The following SORCS1 variants were observed in gnomAD, a reference collection of about 807,000 sequenced individuals.
SORCS1 encodes the protein VPS10 domain-containing receptor SorCS1.
In SORCS1, 60 loss-of-function variants were observed where a neutral mutation model predicts 146.1. The observed-to-expected ratio is 0.41, with a 90% confidence interval of 0.33 to 0.51. The LOEUF is 0.51. Among genes scored for constraint, SORCS1 ranks in the 20% least tolerant of loss-of-function variants. The pLI, the probability that SORCS1 is intolerant of heterozygous loss-of-function variation, is 0.21. For synonymous variants in SORCS1, 637 were observed against 584.0 expected, an observed-to-expected ratio of 1.09 and a Z score of -1.31; for missense variants, 1,352 against 1,487.6, an observed-to-expected ratio of 0.91 and a Z score of 1.50.
chr10:107,115,315 A>G (rs945235073), intron 1 of SORCS1, among the ~76,000 whole-genome samples: 2 of 152,090 alleles, frequency 1.3e-5, no homozygotes, highest in Non-Finnish European at 2.9e-5. Flanking sequence ...TTGAAGAAAA[A>G]GAACAAAGCT....
At chr10:106,737,990 C>A (rs1479094213) in intron 5 of SORCS1, among the ~76,000 whole-genome samples, 2 of 151,948 alleles carry the variant, frequency 1.3e-5, no homozygotes, top group Non-Finnish European at 2.9e-5. Flanking sequence ...GGTTCCATAC[C>A]AGAACAAAAA....
intron 2 of SORCS1, among the ~76,000 whole-genome samples, chr10:106,880,242 T>G (rs906619629): frequency 5.3e-5 from 8 of 152,182 alleles, no homozygotes; most frequent in Non-Finnish European, 1.0e-4. Flanking sequence ...TCCTTCCTGA[T>G]AGTCAAAGGT....
At chr10:106,975,396 G>A (rs1312017697) in intron 1 of SORCS1, among the ~76,000 whole-genome samples, 4 of 152,206 alleles carry the variant, frequency 2.6e-5, no homozygotes, top group Admixed American at 6.5e-5. Flanking sequence ...TTAAAAAACT[G>A]TGTTGGTGTC....
intron 1 of SORCS1, among the ~76,000 whole-genome samples, chr10:107,102,831 C>T (rs1965023844): frequency 6.6e-6 from 1 of 152,110 alleles, no homozygotes; most frequent in African/African-American, 2.4e-5. Context: ...AAAATCTTTA[C>T]ATTTTGTGAA....
intron 2 of SORCS1, among the ~76,000 whole-genome samples, chr10:106,880,639 A>G (rs1422483175): frequency 6.6e-6 from 1 of 152,196 alleles, no homozygotes; most frequent in Non-Finnish European, 1.5e-5. Flanking sequence ...AGGTAAGGGA[A>G]TTATATGAAG....
At chr10:106,692,668 A>G (rs552145326) in intron 9 of SORCS1, among the ~76,000 whole-genome samples, 1 of 152,298 alleles carries the variant, frequency 6.6e-6, no homozygotes, top group South Asian at 2.1e-4. Context: ...ATCCAAATTT[A>G]TTGATTATTA....
At chr10:106,884,031 A>T (rs1351165976) in intron 2 of SORCS1, among the ~76,000 whole-genome samples, 1 of 152,124 alleles carries the variant, frequency 6.6e-6, no homozygotes, top group Non-Finnish European at 1.5e-5. Flanking sequence ...TATATCTACA[A>T]CCTTGCTTCC....
intron 2 of SORCS1, among the ~76,000 whole-genome samples, chr10:106,916,024 C>T (rs1952409141): frequency 3.3e-5 from 5 of 152,170 alleles, no homozygotes; most frequent in Admixed American, 3.3e-4. Flanking sequence ...TAACCTACTT[C>T]ACCTGGTCAA....
intron 21 of SORCS1, among the ~76,000 whole-genome samples, chr10:106,615,000 C>T (rs1419932801): frequency 6.6e-6 from 1 of 151,626 alleles, no homozygotes; most frequent in African/African-American, 2.4e-5. Flanking sequence ...GACAAACCTT[C>T]CCCTGTCAAT....
At chr10:106,688,575 G>T (rs1001830224) in intron 9 of SORCS1, among the ~76,000 whole-genome samples, 3 of 152,084 alleles carry the variant, frequency 2.0e-5, no homozygotes, top group Non-Finnish European at 4.4e-5. Context: ...TTTGATAGGG[G>T]TTTCTTATTA....
chr10:107,150,904 A>G (rs1189034571), intron 1 of SORCS1, among the ~76,000 whole-genome samples: 2 of 152,210 alleles, frequency 1.3e-5, no homozygotes, highest in East Asian at 3.9e-4. Context: ...CTGTGAGTCA[A>G]TTAAACCTCT....
chr10:107,035,511 T>A (rs1376935601), intron 1 of SORCS1, among the ~76,000 whole-genome samples: 3 of 152,178 alleles, frequency 2.0e-5, no homozygotes, highest in Admixed American at 1.3e-4. Flanking sequence ...CTCATATTTA[T>A]CATTAGTAAC....
intron 1 of SORCS1, among the ~76,000 whole-genome samples, chr10:107,005,034 T>C (rs1234046088): frequency 7.9e-5 from 12 of 152,094 alleles, no homozygotes. Context: ...TATGCCTATA[T>C]AGAGTAAGAG....
intron 2 of SORCS1, among the ~76,000 whole-genome samples, chr10:106,952,708 G>C (rs776001824): frequency 2.0e-5 from 3 of 151,568 alleles, no homozygotes; most frequent in Admixed American, 6.6e-5. Flanking sequence ...AGGCGTGGTG[G>C]CTCATGCTTG....
In SORCS1 at chr10:106,747,398, C is replaced by T. The variant is rs117789290; in HGVS notation, c.959+14190G>A. On this transcript the variant is annotated intron_variant, in intron 5 of 25. Coordinates refer to ENST00000263054, the MANE Select transcript of SORCS1 (RefSeq NM_052918.5). The stretch of plus-strand genomic sequence containing the variant: ...CTCTAGCATTTTTTAGAAGAGATTC[C>T]TGCAAGTCATAGGGGGTCAGATGAG... 2.1e-3 allele frequency among the ~76,000 whole-genome samples: 316 copies of T among 152,268 alleles called. 2 individuals are homozygous for T. The highest frequency in any genetic ancestry group is 6.8e-3 in the Admixed American group (104 of 15,298).
At chr10:106,998,316 G>T (rs1957081988) in intron 1 of SORCS1, among the ~76,000 whole-genome samples, 5 of 152,224 alleles carry the variant, frequency 3.3e-5, no homozygotes, top group Admixed American at 1.3e-4. Flanking sequence ...CAGCTGGCTT[G>T]ATTACCTGAA....
intron 1 of SORCS1, among the ~76,000 whole-genome samples, chr10:107,136,893 A>G (rs1468259016): frequency 2.0e-5 from 3 of 152,152 alleles, no homozygotes; most frequent in Admixed American, 2.0e-4. Flanking sequence ...ATTTGAGAGG[A>G]CCAGTCAGCT....
intron 2 of SORCS1, among the ~76,000 whole-genome samples, chr10:106,896,792 T>TAA (rs572801802): frequency 6.6e-6 from 1 of 151,944 alleles, no homozygotes; most frequent in Non-Finnish European, 1.5e-5. Context: ...AGCTCAGTGT[T>TAA]AGAGTTCACA....
chr10:106,585,277 T>C (rs894734154), intron 24 of SORCS1, among the ~76,000 whole-genome samples: 3 of 152,004 alleles, frequency 2.0e-5, no homozygotes, highest in African/African-American at 7.3e-5. Context: ...AATCCATATA[T>C]GTGACAAGGT....
Sources: gnomAD v4.1 joint callset for allele counts (sites outside exome capture counted in the v4.1 genomes callset) on GRCh38, gnomAD v4.1.1 for gene constraint, MANE v1.5 for transcripts, NCBI Gene and HGNC (gene_info 2026-07-23, HGNC 2026-07-21) for gene names.